The following TMEM131 variants were observed in gnomAD, a reference collection of about 807,000 sequenced individuals.
TMEM131 encodes the protein transmembrane protein 131, also known as 2610524E03Rik.
Under a neutral mutation model 211.6 loss-of-function variants are expected in TMEM131, and 66 were observed. The observed-to-expected ratio is 0.31, with a 90% CI of 0.26 to 0.38. The LOEUF is 0.38. Ranked by LOEUF, TMEM131 falls within the 10% of genes least tolerant of loss-of-function variation. The pLI is 1.00. For synonymous variants in TMEM131, 844 were observed against 841.3 expected (o/e 1.00, Z -0.06); for missense variants, 2,036 against 2,299.3 (o/e 0.89, Z 2.34).
At chr2:97,834,569 G>T (rs1204982761) in intron 10 of TMEM131, 52 bp downstream of exon 10, 8 of 1,269,164 alleles carry the variant, frequency 6.3e-6, no homozygotes, top group Non-Finnish European at 8.6e-6. Context: ...CTGAATACAG[G>T]GGTTAAAAAA....
chr2:97,916,969 T>A (rs1676534170), intron 2 of TMEM131, among the ~76,000 whole-genome samples: 3 of 152,216 alleles, frequency 2.0e-5, no homozygotes, highest in African/African-American at 4.8e-5. Context: ...AAGCTTATAT[T>A]TCTTTTATAA....
At position 97,837,162 on chromosome 2, in the gene TMEM131, G is replaced by A; in HGVS notation, c.724-5C>T. ...ACTAGAGTACATTTCTACAACCTGG[G>A]GCAAAAGAGCACATGATGGCTACGT... is the stretch of plus-strand genomic sequence containing the variant. On this transcript the variant is annotated splice_polypyrimidine_tract_variant and splice_region_variant and intron_variant, in intron 7 of 40. Coordinates refer to ENST00000186436, the MANE Select transcript of TMEM131 (RefSeq NM_015348.2). The A allele has an allele frequency of 6.3e-7, 1 of 1,580,988 alleles. No homozygotes were observed. The highest frequency in any genetic ancestry group is 2.3e-5 in the East Asian group (1 of 43,398).
At chr2:97,780,273 A>T (rs1266274570) in intron 31 of TMEM131, among the ~76,000 whole-genome samples, 1 of 152,090 alleles carries the variant, frequency 6.6e-6, no homozygotes, top group Non-Finnish European at 1.5e-5. Flanking sequence ...GATCTAAACA[A>T]TGCAATTTTA....
At chr2:97,834,469 G>A (rs1265630638) in intron 10 of TMEM131, among the ~76,000 whole-genome samples, 152 bp downstream of exon 10, 1 of 151,958 alleles carries the variant, frequency 6.6e-6, no homozygotes, top group Non-Finnish European at 1.5e-5. Flanking sequence ...CTGTAAAGGC[G>A]CTGAGTCTGA....
intron 1 of TMEM131, among the ~76,000 whole-genome samples, chr2:97,963,726 A>G (rs1314378232): frequency 6.6e-6 from 1 of 152,236 alleles, no homozygotes; most frequent in Non-Finnish European, 1.5e-5. Flanking sequence ...CAAAAAATAA[A>G]TAAATACAAT....
chr2:97,879,943 C>T (rs1674856059), intron 4 of TMEM131, among the ~76,000 whole-genome samples: 1 of 152,076 alleles, frequency 6.6e-6, no homozygotes, highest in Admixed American at 6.6e-5. Context: ...CCTAACCTGC[C>T]ATGTTGTTAA....
intron 4 of TMEM131, among the ~76,000 whole-genome samples, chr2:97,882,256 G>T (rs1559421902): frequency 6.6e-6 from 1 of 152,144 alleles, no homozygotes; most frequent in Non-Finnish European, 1.5e-5. Flanking sequence ...TCTGGTTAGG[G>T]TGAGTTAAAA....
intron 31 of TMEM131, among the ~76,000 whole-genome samples, chr2:97,778,970 C>T (rs138718599): frequency 6.6e-6 from 1 of 152,266 alleles, no homozygotes; most frequent in Non-Finnish European, 1.5e-5. Flanking sequence ...CCAAAAACAT[C>T]GTGTGGATTC....
At chr2:97,965,113 G>A (rs1341901514) in intron 1 of TMEM131, among the ~76,000 whole-genome samples, 1 of 152,162 alleles carries the variant, frequency 6.6e-6, no homozygotes, top group Non-Finnish European at 1.5e-5. Context: ...AAACAGTGGA[G>A]TATAATCAAA....
rs190612738 is a variant in TMEM131, at chr2:97,817,378, A to C, written c.1183+1235T>G. ...TGAGGCAGCCAGATCACCTGAGGTC[A>C]GGAGTTTGAGACCAGCCTGGCCAAC... On this transcript the variant is annotated intron_variant, in intron 12 of 40. Coordinates refer to ENST00000186436, the MANE Select transcript of TMEM131 (RefSeq NM_015348.2). 8.5e-5 allele frequency among the ~76,000 whole-genome samples: 13 copies of C among 152,314 alleles called. No homozygotes were observed. In the East Asian group the frequency reaches 2.1e-3, roughly 25 times the overall value.
intron 31 of TMEM131, among the ~76,000 whole-genome samples, chr2:97,780,867 G>A (rs6740424): frequency 0.051 from 7,706 of 151,410 alleles, 582 homozygotes; most frequent in African/African-American, 0.17. Context: ...AGAAAAACTC[G>A]GAAGTGTGTT....
At chr2:97,962,824 T>C (rs544167457) in intron 1 of TMEM131, among the ~76,000 whole-genome samples, 1 of 152,330 alleles carries the variant, frequency 6.6e-6, no homozygotes, top group African/African-American at 2.4e-5. Flanking sequence ...GTAGTTTACT[T>C]AGCAATAAAA....
At chr2:97,879,090 G>A (rs996468965) in intron 4 of TMEM131, among the ~76,000 whole-genome samples, 7 of 152,182 alleles carry the variant, frequency 4.6e-5, no homozygotes, top group African/African-American at 1.7e-4. Context: ...CACCCTGGAA[G>A]CAGAGAGAAG....
intron 5 of TMEM131, among the ~76,000 whole-genome samples, chr2:97,849,760 C>T (rs1484860929): frequency 3.1e-5 from 4 of 129,042 alleles, no homozygotes; most frequent in Non-Finnish European, 3.1e-5. Flanking sequence ...GGTGAATCCA[C>T]GAGGGTTGCG....
Position 97,794,924 on chromosome 2 carries a change from C to T in TMEM131, c.3386+6G>A. ...TGAATATGAACCTTGAAACAAGACA[C>T]AATACCTCATTATTCCTGAGATGAT... On this transcript the variant is annotated splice_donor_region_variant and intron_variant, in intron 29 of 40. Coordinates refer to ENST00000186436, the MANE Select transcript of TMEM131 (RefSeq NM_015348.2). The T allele has an allele frequency of 6.4e-7, 1 of 1,563,586 alleles. No homozygotes were observed. The highest frequency in any genetic ancestry group is 8.7e-7 in the Non-Finnish European group (1 of 1,153,994).
In TMEM131 at chr2:97,838,978, T is replaced by C. The variant is rs539099207; in HGVS notation, c.724-1821A>G. On this transcript the variant is annotated intron_variant, in intron 7 of 40. Transcript: ENST00000186436. ...TGGAAAACCAGAAAACATCACACAT[T>C]ATTTCATCAATCCTTCCAAGTATCA... 2.0e-5 allele frequency among the ~76,000 whole-genome samples: 3 copies of C among 152,246 alleles called. No individual in the cohort carries two copies. The East Asian group carries it at 5.8e-4, about 29-fold the overall frequency.
intron 1 of TMEM131, among the ~76,000 whole-genome samples, chr2:97,939,032 T>C (rs1351417116): frequency 2.0e-5 from 3 of 152,112 alleles, no homozygotes; most frequent in Non-Finnish European, 2.9e-5. Flanking sequence ...TAAAGCAGTG[T>C]GTAGAGGGAA....
chr2:97,801,753 A>G, intron 25 of TMEM131, 142 bp downstream of exon 25: 1 of 499,556 alleles, frequency 2.0e-6, no homozygotes, highest in Middle Eastern at 5.4e-4. Flanking sequence ...TTTGCCTCTG[A>G]AATAATTACT....
chr2:97,917,758 C>T (rs567971108), intron 2 of TMEM131, among the ~76,000 whole-genome samples: 3 of 152,182 alleles, frequency 2.0e-5, no homozygotes, highest in South Asian at 2.1e-4. Context: ...TGGGAGTAAC[C>T]GCCGCCATGA....
Sources: allele counts gnomAD v4.1 joint callset (sites outside exome capture counted in the v4.1 genomes callset), GRCh38; gene constraint gnomAD v4.1.1; transcripts MANE v1.5; gene names NCBI Gene and HGNC (gene_info 2026-07-23, HGNC 2026-07-21).